FAM171A1: variants seen among roughly 807,000 people sequenced by gnomAD.
The protein encoded by FAM171A1 is protein FAM171A1.
FAM171A1 carries 23 observed loss-of-function variants against 74.9 expected under a neutral mutation model. The ratio of observed to expected loss-of-function variants is 0.31; its 90% CI spans 0.22 to 0.44. The LOEUF is 0.44. Among genes scored for constraint, FAM171A1 ranks in the 20% least tolerant of loss-of-function variants. The pLI, the probability that FAM171A1 is intolerant of heterozygous loss-of-function variation, is 1.00. For missense variants in FAM171A1, 1,162 were observed against 1,159.2 expected (o/e 1.00, Z -0.03); for synonymous variants, 527 against 505.7 (o/e 1.04, Z -0.57).
At chr10:15,296,893 G>A (rs1221787564) in intron 1 of FAM171A1, among the ~76,000 whole-genome samples, 1 of 152,120 alleles carries the variant, frequency 6.6e-6, no homozygotes, top group East Asian at 1.9e-4. Context: ...TATCATCTCA[G>A]GCAACTGATG....
At chr10:15,367,544 A>C (rs2131895413) in intron 1 of FAM171A1, among the ~76,000 whole-genome samples, 1 of 152,232 alleles carries the variant, frequency 6.6e-6, no homozygotes, top group East Asian at 1.9e-4. Flanking sequence ...TCATGCTCTT[A>C]ATACAATGTC....
intron 1 of FAM171A1, among the ~76,000 whole-genome samples, chr10:15,290,476 G>A (rs1174251306): frequency 2.0e-5 from 3 of 152,142 alleles, no homozygotes; most frequent in Non-Finnish European, 4.4e-5. Context: ...GCATTTCCCT[G>A]AAGCTCTCCA....
chr10:15,298,202 T>TCTGCAAC (rs1229448556), intron 1 of FAM171A1, among the ~76,000 whole-genome samples: 1 of 152,064 alleles, frequency 6.6e-6, no homozygotes, highest in Non-Finnish European at 1.5e-5. Flanking sequence ...ATCTTGGCCC[T>TCTGCAAC]CTGCAACCTG....
intron 1 of FAM171A1, among the ~76,000 whole-genome samples, chr10:15,347,485 T>C (rs974037339): frequency 4.6e-5 from 7 of 152,108 alleles, no homozygotes; most frequent in Non-Finnish European, 1.0e-4. Context: ...ATATAATAAG[T>C]ATGCAATACA....
chr10:15,292,605 C>T (rs1835115514), intron 1 of FAM171A1, among the ~76,000 whole-genome samples: 1 of 152,112 alleles, frequency 6.6e-6, no homozygotes, highest in African/African-American at 2.4e-5. Flanking sequence ...CTCAGCCTCC[C>T]ATGTAGGTGG....
In FAM171A1 at chr10:15,366,213, G is replaced by A. The variant is rs576843360; in HGVS notation, c.97+4743C>T. Among the ~76,000 whole-genome samples, 19 of 152,228 alleles carry A rather than the reference G, an allele frequency of 1.2e-4. No individual in the cohort carries two copies. The South Asian group carries it at 2.5e-3, about 20-fold the overall frequency. The stretch of plus-strand genomic sequence containing the variant: ...CTACTCACTACAACCTCTGCCTCCC[G>A]AGTTCAAGCAATTGTCCTGCCTTAG... On this transcript the variant is annotated intron_variant, in intron 1 of 7. Transcript: ENST00000378116.
intron 3 of FAM171A1, among the ~76,000 whole-genome samples, chr10:15,269,061 CAAACAAA>C (rs2131789556): frequency 6.6e-6 from 1 of 152,012 alleles, no homozygotes; most frequent in South Asian, 2.1e-4. Flanking sequence ...AACAAACAAA[CAAACAAA>C]CAAAGCCAGG....
At chr10:15,313,488 GA>G (rs1406376881) in intron 1 of FAM171A1, among the ~76,000 whole-genome samples, 1 of 152,198 alleles carries the variant, frequency 6.6e-6, no homozygotes, top group Non-Finnish European at 1.5e-5. Flanking sequence ...AACCAGCCTA[GA>G]AAGAAATTGA....
chr10:15,269,981 G>A (rs558998035), intron 3 of FAM171A1, among the ~76,000 whole-genome samples: 1 of 152,328 alleles, frequency 6.6e-6, no homozygotes, highest in South Asian at 2.1e-4. Flanking sequence ...GGTGAGCGAT[G>A]CAGAAGACGG....
chr10:15,324,600 T>C (rs1835527450), intron 1 of FAM171A1, among the ~76,000 whole-genome samples: 1 of 152,218 alleles, frequency 6.6e-6, no homozygotes, highest in Admixed American at 6.5e-5. Context: ...TGAGATTTAC[T>C]GTTGGTTTTC....
chr10:15,261,110 G>C (rs538537792), intron 3 of FAM171A1, among the ~76,000 whole-genome samples: 3 of 152,150 alleles, frequency 2.0e-5, no homozygotes, highest in Admixed American at 6.5e-5. Flanking sequence ...TTCCTCTCCC[G>C]AACTATCATA....
chr10:15,348,826 G>T (rs1034172846), intron 1 of FAM171A1, among the ~76,000 whole-genome samples: 1 of 152,188 alleles, frequency 6.6e-6, no homozygotes, highest in African/African-American at 2.4e-5. Flanking sequence ...AAAGCCATCG[G>T]GAGAACGGGC....
chr10:15,308,825 C>A (rs1835326584), intron 1 of FAM171A1, among the ~76,000 whole-genome samples: 1 of 152,040 alleles, frequency 6.6e-6, no homozygotes, highest in South Asian at 2.1e-4. Flanking sequence ...GACATCACAC[C>A]CAACTAATTT....
chr10:15,214,109 G>A lies in FAM171A1; in HGVS notation c.1479C>T (p.Leu493=). 6.2e-7 allele frequency: 1 copy of A among 1,614,212 alleles called. No homozygotes were observed. Among genetic ancestry groups the A allele is most frequent in the Non-Finnish European group, 8.5e-7 (1 of 1,180,042 alleles). Residue 493 remains leucine, a synonymous_variant, in exon 8 of 8, where the codon CTC becomes CTT. Transcript: ENST00000378116. ...DDYRGSYNTV[L]SQPLFEKQDR... is the part of the protein sequence containing the mutation. ...CCTGCTTTTCAAATAAAGGCTGTGA[G>A]AGCACGGTGTTGTAACTACCCCTGT...
chr10:15,366,835 G>A (rs1564292987), intron 1 of FAM171A1, among the ~76,000 whole-genome samples: 1 of 152,156 alleles, frequency 6.6e-6, no homozygotes, highest in Non-Finnish European at 1.5e-5. Flanking sequence ...GTATTTCCCA[G>A]CAATAATAAA....
chr10:15,360,051 C>T (rs1835976029), intron 1 of FAM171A1, among the ~76,000 whole-genome samples: 1 of 152,224 alleles, frequency 6.6e-6, no homozygotes, highest in Non-Finnish European at 1.5e-5. Flanking sequence ...CCTTCCACCT[C>T]AGCCTCTTAA....
rs114040802 is a variant in FAM171A1, at chr10:15,339,564, T to G, written c.97+31392A>C. ...AATGGAAGACCATGGCAGTGAAGTG[T>G]CATTCTCATGACATCATATCTAGGG... On this transcript the variant is annotated intron_variant, in intron 1 of 7. Transcript: ENST00000378116. Among the ~76,000 whole-genome samples, 646 of 152,320 alleles carry G rather than the reference T, an allele frequency of 4.2e-3. 6 individuals carry two copies. The highest frequency in any genetic ancestry group is 0.015 in the African/African-American group (622 of 41,572).
chr10:15,337,884 G>C (rs1242334595), intron 1 of FAM171A1, among the ~76,000 whole-genome samples: 1 of 152,184 alleles, frequency 6.6e-6, no homozygotes, highest in Non-Finnish European at 1.5e-5. Flanking sequence ...CTGGGAGGCA[G>C]AGGCTGCAGT....
intron 5 of FAM171A1, among the ~76,000 whole-genome samples, chr10:15,236,463 G>C (rs935682032): frequency 2.6e-5 from 4 of 151,942 alleles, no homozygotes; most frequent in African/African-American, 9.7e-5. Flanking sequence ...CCATTTTATA[G>C]AGGAGAAAAC....
Sources: allele counts gnomAD v4.1 joint callset (sites outside exome capture counted in the v4.1 genomes callset), GRCh38; gene constraint gnomAD v4.1.1; transcripts MANE v1.5; gene names NCBI Gene and HGNC (gene_info 2026-07-23, HGNC 2026-07-21).